TMEM114: variants seen among roughly 807,000 people sequenced by gnomAD.
TMEM114 encodes the protein claudin-26.
Under a neutral mutation model 6.2 loss-of-function variants are expected in TMEM114, and 6 were observed. The ratio of observed to expected loss-of-function variants is 0.97; its 90% CI spans 0.53 to 1.91. The LOEUF (loss-of-function observed/expected upper bound fraction) is 1.91, where lower values mean the gene tolerates loss of function less well. Among genes scored for constraint, TMEM114 ranks in the 40% most tolerant of loss-of-function variants. The probability of loss-of-function intolerance (pLI) is 0.01; values close to 1 mark genes in which losing one functional copy is unlikely to be tolerated. For missense variants in TMEM114, 218 were observed against 158.3 expected (o/e 1.38, Z -2.02); for synonymous variants, 104 against 73.0 (o/e 1.42, Z -2.16).
intron 2 of TMEM114, among the ~76,000 whole-genome samples, chr16:8,560,229 C>A (rs567102329): frequency 1.3e-5 from 2 of 151,796 alleles, no homozygotes; most frequent in Non-Finnish European, 1.5e-5. Flanking sequence ...AACTCCTGGG[C>A]TCAAGCGATC....
intron 2 of TMEM114, among the ~76,000 whole-genome samples, chr16:8,584,477 C>CT (rs1902252244): frequency 6.6e-6 from 1 of 152,158 alleles, no homozygotes; most frequent in Non-Finnish European, 1.5e-5. Context: ...GACAAGGAAC[C>CT]TGTTTCATTG....
At chr16:8,555,218 G>A (rs865840546) in intron 2 of TMEM114, among the ~76,000 whole-genome samples, 4 of 152,216 alleles carry the variant, frequency 2.6e-5, no homozygotes, top group Non-Finnish European at 5.9e-5. Context: ...CACTACTGAT[G>A]CAGGGTAAGT....
At chr16:8,571,920 T>A (rs1219159667) in intron 3 of TMEM114, among the ~76,000 whole-genome samples, 167 bp downstream of exon 3, 1 of 152,100 alleles carries the variant, frequency 6.6e-6, no homozygotes, top group Non-Finnish European at 1.5e-5. Flanking sequence ...AGAGACTAAG[T>A]GATTCTGGGC....
chr16:8,530,582 G>C, the TMEM114 span, among the ~76,000 whole-genome samples: 1 of 151,980 alleles, frequency 6.6e-6, no homozygotes, highest in Non-Finnish European at 1.5e-5. Flanking sequence ...AGAGAGGAGA[G>C]AAAGAAAGCA....
downstream of TMEM114, chr16:8,569,417 A>G: frequency 9.3e-7 from 1 of 1,078,182 alleles, no homozygotes; most frequent in East Asian, 6.8e-5. Context: ...CAGACCCACC[A>G]AGGAGCTGAT....
At chr16:8,539,648 GC>G (rs1379043545) in intron 2 of TMEM114, among the ~76,000 whole-genome samples, 2 of 151,996 alleles carry the variant, frequency 1.3e-5, no homozygotes, top group African/African-American at 4.8e-5. Flanking sequence ...CGTGCAACTG[GC>G]CCAGGGATCC....
intron 3 of TMEM114, 124 bp from the exon 4 acceptor site, chr16:8,570,129 G>A (rs1453346906): frequency 2.3e-6 from 3 of 1,326,268 alleles, no homozygotes; most frequent in Non-Finnish European, 3.1e-6. Flanking sequence ...CCTGCTGCGG[G>A]ACCTTTGCGC....
At chr16:8,527,498 G>T in the TMEM114 span, among the ~76,000 whole-genome samples, 21 of 152,232 alleles carry the variant, frequency 1.4e-4, no homozygotes, top group Admixed American at 3.9e-4. Context: ...CACAAAATAA[G>T]ATAACAACTG....
At chr16:8,584,922 CAAA>C (rs905674847) in intron 2 of TMEM114, among the ~76,000 whole-genome samples, 1 of 49,206 alleles carries the variant, frequency 2.0e-5, no homozygotes, top group African/African-American at 7.0e-5. Flanking sequence ...AACGCCGTCT[CAAA>C]AAAAAAAAAA....
Position 8,552,417 on chromosome 16 carries a change from C to G in TMEM114, n.213-14591G>C, listed in dbSNP as rs75963845. On this transcript the variant is annotated intron_variant and non_coding_transcript_variant, in intron 2 of 2. Transcript: ENST00000623677. ...AAAAAAAAAATACTACAAAGGGTAG[C>G]TACTTAGAGCTCCTTTGAGGTGATT... Among the ~76,000 whole-genome samples the G allele has an allele frequency of 5.8e-3, 879 of 151,926 alleles. 10 individuals carry two copies. Among genetic ancestry groups the G allele is most frequent in the African/African-American group, 0.021 (849 of 41,410 alleles).
chr16:8,585,599 T>A (rs1902293118), intron 2 of TMEM114, among the ~76,000 whole-genome samples: 1 of 151,550 alleles, frequency 6.6e-6, no homozygotes. Flanking sequence ...AAACTCAAAA[T>A]TCATTTTGGA....
intron 2 of TMEM114, among the ~76,000 whole-genome samples, chr16:8,561,846 GAAT>G (rs1901218150): frequency 6.7e-6 from 1 of 148,994 alleles, no homozygotes; most frequent in East Asian, 2.0e-4. Flanking sequence ...ATGAGTGAGT[GAAT>G]GAATGAGTGA....
intron 2 of TMEM114, among the ~76,000 whole-genome samples, chr16:8,539,952 G>C (rs1382961655): frequency 1.3e-5 from 2 of 152,034 alleles, no homozygotes; most frequent in African/African-American, 4.8e-5. Context: ...GGAATAGCTG[G>C]GATTACAGGC....
downstream of TMEM114, among the ~76,000 whole-genome samples, chr16:8,533,187 T>A (rs1415362699): frequency 6.6e-6 from 1 of 152,206 alleles, no homozygotes; most frequent in Non-Finnish European, 1.5e-5. Context: ...TGATGAGAGC[T>A]GATAAAATAA....
chr16:8,531,672 A>G, the TMEM114 span, among the ~76,000 whole-genome samples: 2 of 152,348 alleles, frequency 1.3e-5, no homozygotes, highest in East Asian at 1.9e-4. Context: ...AGAAAACTCA[A>G]TGAAGTGACC....
At chr16:8,535,654 C>T (rs113856774), downstream of TMEM114, among the ~76,000 whole-genome samples, 1 of 152,146 alleles carries the variant, frequency 6.6e-6, no homozygotes, top group South Asian at 2.1e-4. Flanking sequence ...CTTATGAGTT[C>T]TGTGATGAAT....
chr16:8,534,411 G>C (rs987553581), downstream of TMEM114, among the ~76,000 whole-genome samples: 1 of 151,942 alleles, frequency 6.6e-6, no homozygotes, highest in African/African-American at 2.4e-5. Context: ...ACTCCTACAG[G>C]GATAATGTGA....
intron 3 of TMEM114, among the ~76,000 whole-genome samples, chr16:8,570,283 C>T (rs1371658236): frequency 1.3e-5 from 2 of 151,994 alleles, no homozygotes; most frequent in African/African-American, 4.8e-5. Flanking sequence ...AGCTGCCCAT[C>T]ACTGCCCAGG....
intron 2 of TMEM114, among the ~76,000 whole-genome samples, chr16:8,554,547 C>T (rs1281594648): frequency 1.3e-5 from 2 of 152,180 alleles, no homozygotes; most frequent in African/African-American, 2.4e-5. Flanking sequence ...CACCCCCAGC[C>T]GTGCTTTCTG....
Sources: gnomAD v4.1 joint callset for allele counts (sites outside exome capture counted in the v4.1 genomes callset) on GRCh38, gnomAD v4.1.1 for gene constraint, MANE v1.5 for transcripts, NCBI Gene and HGNC (gene_info 2026-07-23, HGNC 2026-07-21) for gene names.